Variants in GDPD5 observed in about 807,000 individuals in gnomAD.
The protein encoded by GDPD5 is glycerophosphodiester phosphodiesterase 2.
GDPD5 carries 48 observed loss-of-function variants against 75.1 expected under a neutral mutation model. The observed-to-expected ratio is 0.64, with a 90% confidence interval of 0.51 to 0.81. The LOEUF (loss-of-function observed/expected upper bound fraction) is 0.81, where lower values mean the gene tolerates loss of function less well. GDPD5 is among the 40% of genes least tolerant of loss of function. The probability of loss-of-function intolerance (pLI) is 0.00; values close to 1 mark genes in which losing one functional copy is unlikely to be tolerated. For missense variants in GDPD5, 706 were observed against 822.6 expected, an observed-to-expected ratio of 0.86 and a Z score of 1.73; for synonymous variants, 336 against 339.0, an observed-to-expected ratio of 0.99 and a Z score of 0.10.
chr11:75,443,373 C>T, intron 10 of GDPD5, 87 bp from the exon 11 acceptor site: 1 of 1,451,616 alleles, frequency 6.9e-7, no homozygotes, highest in South Asian at 1.3e-5. Flanking sequence ...CAGTCCTCCC[C>T]ACCCAGCACA....
intron 1 of GDPD5, among the ~76,000 whole-genome samples, chr11:75,514,564 C>G (rs928086384): frequency 2.6e-5 from 4 of 152,186 alleles, no homozygotes; most frequent in Admixed American, 6.5e-5. Context: ...TGATGCACCC[C>G]CTATCCTGCC....
At chr11:75,498,069 T>C (rs932993909) in intron 1 of GDPD5, among the ~76,000 whole-genome samples, 1 of 145,968 alleles carries the variant, frequency 6.9e-6, no homozygotes, top group Non-Finnish European at 1.5e-5. Context: ...CACCCAGGCC[T>C]GTCATGGTCT....
At chr11:75,440,121 G>A (rs1379369876) in intron 14 of GDPD5, among the ~76,000 whole-genome samples, 160 bp from the exon 15 acceptor site, 1 of 152,200 alleles carries the variant, frequency 6.6e-6, no homozygotes, top group African/African-American at 2.4e-5. Flanking sequence ...TTTTGCAGGT[G>A]TAGGCTCCAG....
chr11:75,452,875 C>T (rs78760400), intron 6 of GDPD5: 1,792 of 152,588 alleles, frequency 0.012, 26 homozygotes, highest in South Asian at 0.021. Flanking sequence ...CGCTGACAGA[C>T]GCCTCCTCTG....
At chr11:75,436,897 G>T in intron 16 of GDPD5, 39 bp downstream of exon 16, 1 of 1,501,286 alleles carries the variant, frequency 6.7e-7, no homozygotes, top group Non-Finnish European at 9.3e-7. Context: ...AGAAAGCTGG[G>T]CCCAGGGCCT....
chr11:75,441,925 G>T, intron 12 of GDPD5, 122 bp from the exon 13 acceptor site: 1 of 1,001,266 alleles, frequency 1.0e-6, no homozygotes, highest in Non-Finnish European at 1.4e-6. Flanking sequence ...AAGCTTAGAT[G>T]AAGTCATTAG....
intron 3 of GDPD5, among the ~76,000 whole-genome samples, chr11:75,464,929 G>A (rs1243612877): frequency 6.6e-6 from 1 of 151,970 alleles, no homozygotes; most frequent in African/African-American, 2.4e-5. Flanking sequence ...AGGCAGTCTG[G>A]GTCTGCACAT....
At chr11:75,454,578 G>C (rs948174787) in intron 6 of GDPD5, among the ~76,000 whole-genome samples, 1 of 152,212 alleles carries the variant, frequency 6.6e-6, no homozygotes, top group Non-Finnish European at 1.5e-5. Flanking sequence ...CTGGCTAGAC[G>C]CCTAGGGAAT....
At chr11:75,458,624 A>T (rs1245187580) in intron 4 of GDPD5, among the ~76,000 whole-genome samples, 2 of 152,052 alleles carry the variant, frequency 1.3e-5, no homozygotes, top group Admixed American at 1.3e-4. Context: ...ATGAGCAGAG[A>T]TCGCAGTACT....
At chr11:75,493,240 C>T (rs969673377) in intron 1 of GDPD5, among the ~76,000 whole-genome samples, 5 of 151,388 alleles carry the variant, frequency 3.3e-5, no homozygotes, top group African/African-American at 1.2e-4. Context: ...CACACACACA[C>T]ACACACACAC....
At chr11:75,484,948 C>T (rs1949993359) in intron 2 of GDPD5, among the ~76,000 whole-genome samples, 1 of 152,086 alleles carries the variant, frequency 6.6e-6, no homozygotes, top group African/African-American at 2.4e-5. Context: ...CAAACATGGG[C>T]CTGAACGAAT....
intron 1 of GDPD5, among the ~76,000 whole-genome samples, chr11:75,503,540 C>A (rs1478976598): frequency 6.6e-6 from 1 of 152,352 alleles, no homozygotes; most frequent in East Asian, 1.9e-4. Flanking sequence ...CTATTCACTG[C>A]TATGCCATAC....
At chr11:75,500,755 T>TC (rs780330709) in intron 1 of GDPD5, among the ~76,000 whole-genome samples, 10 of 151,630 alleles carry the variant, frequency 6.6e-5, no homozygotes, top group Admixed American at 1.3e-4. Context: ...ACACCTCCAT[T>TC]CCCTCCAACC....
chr11:75,471,109 G>A (rs1377054248), intron 3 of GDPD5, among the ~76,000 whole-genome samples: 1 of 152,240 alleles, frequency 6.6e-6, no homozygotes, highest in African/African-American at 2.4e-5. Context: ...GGGCACCTCA[G>A]CTCTTCCAAT....
Position 75,436,972 on chromosome 11 carries a change from C to T in GDPD5, c.1633G>A (p.Asp545Asn), listed in dbSNP as rs1393379064. The change falls in exon 16 of 17, where the codon GAC becomes AAC. Residue 545 changes from aspartate to asparagine, a missense_variant. Asp to Asn is a conservative substitution (Grantham distance 23). Coordinates refer to ENST00000336898, the MANE Select transcript of GDPD5 (RefSeq NM_030792.8). ...AGCTTCTCCTTCATGATGCTGACGT[C>T]CCGGCTGGTCCGGCGCACCGCAGCA... ...LSAAVRRTSR[D>N]VSIMKEKLIF... The T allele has an allele frequency of 1.2e-6, 2 of 1,613,476 alleles. No individual in the cohort carries two copies. Among genetic ancestry groups the T allele is most frequent in the African/African-American group, 1.3e-5 (1 of 74,908 alleles).
chr11:75,500,316 A>C (rs1384030145), intron 1 of GDPD5, among the ~76,000 whole-genome samples: 1 of 151,896 alleles, frequency 6.6e-6, no homozygotes, highest in Non-Finnish European at 1.5e-5. Context: ...AACTTCTGAG[A>C]GTTGTCTGCA....
At chr11:75,513,476 T>A (rs971477853) in intron 1 of GDPD5, among the ~76,000 whole-genome samples, 14 of 152,130 alleles carry the variant, frequency 9.2e-5, no homozygotes, top group Admixed American at 8.5e-4. Flanking sequence ...GCCCACACTC[T>A]CCTGCCCTCC....
intron 12 of GDPD5, among the ~76,000 whole-genome samples, 187 bp from the exon 13 acceptor site, chr11:75,441,990 GA>G (rs1221752043): frequency 9.2e-5 from 14 of 152,176 alleles, no homozygotes; most frequent in Non-Finnish European, 1.8e-4. Flanking sequence ...AGCAACTCAG[GA>G]AACTTCGCTT....
intron 13 of GDPD5, 110 bp from the exon 14 acceptor site, chr11:75,441,420 C>T: frequency 7.1e-7 from 1 of 1,400,644 alleles, no homozygotes; most frequent in Admixed American, 1.9e-5. Flanking sequence ...ATGCCCGGGG[C>T]AAGGAACATT....
Sources: gnomAD v4.1 joint callset for allele counts (sites outside exome capture counted in the v4.1 genomes callset) on GRCh38, gnomAD v4.1.1 for gene constraint, MANE v1.5 for transcripts, NCBI Gene and HGNC (gene_info 2026-07-23, HGNC 2026-07-21) for gene names.